Variants in IQCE observed in about 807,000 individuals in gnomAD.
The protein encoded by IQCE is IQ domain-containing protein E.
IQCE carries 115 observed loss-of-function variants against 96.0 expected under a neutral mutation model. That is an observed-to-expected ratio of 1.20 (90% CI 1.03 to 1.40). The LOEUF is 1.40. Among genes scored for constraint, IQCE ranks in the 40% most tolerant of loss-of-function variants. IQCE has a pLI of 0.00. For synonymous variants in IQCE, 412 were observed against 371.2 expected (o/e 1.11, Z -1.26); for missense variants, 1,041 against 909.1 (o/e 1.15, Z -1.87).
intron 1 of IQCE, among the ~76,000 whole-genome samples, chr7:2,564,226 T>A (rs909095307): frequency 4.6e-5 from 7 of 151,580 alleles, no homozygotes; most frequent in African/African-American, 1.7e-4. Context: ...AAACAAAAAA[T>A]TTCACTCATC....
At chr7:2,598,205 C>T (rs1298856891) in intron 16 of IQCE, 4 of 362,370 alleles carry the variant, frequency 1.1e-5, no homozygotes, top group African/African-American at 2.1e-5. Flanking sequence ...TCCCAGGAGG[C>T]ACTGCCAGAC....
chr7:2,586,971 A>G (rs1049790235), intron 12 of IQCE, among the ~76,000 whole-genome samples: 1 of 152,148 alleles, frequency 6.6e-6, no homozygotes, highest in African/African-American at 2.4e-5. Context: ...GCTTCTGTGC[A>G]GAGATGGGGA....
At chr7:2,592,021 C>T (rs1181857595) in intron 14 of IQCE, among the ~76,000 whole-genome samples, 2 of 142,362 alleles carry the variant, frequency 1.4e-5, no homozygotes, top group South Asian at 2.4e-4. Context: ...CGTGAGCCAC[C>T]GCACCCGGGC....
At chr7:2,599,074 C>T (rs1375302487) in intron 17 of IQCE, among the ~76,000 whole-genome samples, 1 of 152,218 alleles carries the variant, frequency 6.6e-6, no homozygotes, top group Non-Finnish European at 1.5e-5. Context: ...AGCATTCGGT[C>T]ACGGCGGTTC....
At position 2,613,390 on chromosome 7, in the gene IQCE, T is replaced by G. The variant is rs1785180963; in HGVS notation, c.*3228T>G. ...AGCTGGAGGGCTCCAGGGACATCCT[T>G]GGAGATACAGGAGGCTTTCCTGGCA... On this transcript the variant is annotated 3_prime_UTR_variant, in exon 22 of 22. Transcript: ENST00000402050. 2.0e-5 allele frequency: 3 copies of G among 152,276 alleles called. No individual in the cohort carries two copies. The highest frequency in any genetic ancestry group is 7.2e-5 in the African/African-American group (3 of 41,418). The allele number at this position is 152,276 out of a possible 1,614,324, so 9.4% of individuals were successfully genotyped here. A position where few individuals can be genotyped will look rare whatever the true frequency, so the allele number is the denominator to read the frequency against.
chr7:2,613,283 G>A lies in IQCE; in HGVS notation c.*3121G>A, dbSNP rs1202981177. 6.6e-6 allele frequency: 1 copy of A among 152,358 alleles called. No individual in the cohort carries two copies. Among genetic ancestry groups the A allele is most frequent in the African/African-American group, 2.4e-5 (1 of 41,430 alleles). 9.4% of individuals were successfully genotyped at this position (152,358 alleles called of 1,614,324 possible). ...TGAGCCACAGGTGCAGTACCCGGAG[G>A]TGTGCTCTCCCCTAGAGGCCTGTCC... On this transcript the variant is annotated 3_prime_UTR_variant, in exon 22 of 22. Transcript: ENST00000402050.
At chr7:2,602,959 A>C (rs972227329) in intron 18 of IQCE, among the ~76,000 whole-genome samples, 3 of 152,074 alleles carry the variant, frequency 2.0e-5, no homozygotes, top group Non-Finnish European at 4.4e-5. Flanking sequence ...GGCCCACCAC[A>C]CTGCCCCTGA....
Position 2,610,601 on chromosome 7 carries a change from G to C in IQCE, c.*439G>C. On this transcript the variant is annotated 3_prime_UTR_variant, in exon 22 of 22. Coordinates refer to ENST00000402050, the MANE Select transcript of IQCE (RefSeq NM_152558.5). ...CCAGGATTTGCTCGATCTCAGCCCA[G>C]CAGGCCAGGCAGACACACCCCGCTG... is the stretch of plus-strand genomic sequence containing the variant. The C allele has an allele frequency of 5.5e-6, 1 of 180,920 alleles. No individual in the cohort carries two copies. The allele number at this position is 180,920 out of a possible 1,614,324, so 11.2% of individuals were successfully genotyped here.
chr7:2,580,348 G>A (rs890455833), intron 8 of IQCE: 2 of 151,966 alleles, frequency 1.3e-5, no homozygotes, highest in African/African-American at 4.8e-5. Context: ...AGTTCCTCAT[G>A]CCTGTAATCC....
intron 16 of IQCE, among the ~76,000 whole-genome samples, chr7:2,596,247 A>G (rs1460133824): frequency 3.9e-5 from 6 of 152,226 alleles, no homozygotes; most frequent in Non-Finnish European, 8.8e-5. Context: ...CCACAGATCC[A>G]GACCCTTTTC....
chr7:2,571,702 C>A, intron 4 of IQCE, 48 bp downstream of exon 4: 1 of 1,563,510 alleles, frequency 6.4e-7, no homozygotes, highest in South Asian at 1.1e-5. Context: ...GAGAAGAGTT[C>A]GAGAAATTTC....
intron 21 of IQCE, among the ~76,000 whole-genome samples, chr7:2,608,738 C>T (rs905320986): frequency 2.0e-5 from 3 of 152,202 alleles, no homozygotes; most frequent in East Asian, 1.9e-4. Context: ...TCTTGCTCAA[C>T]GCAAGTGATT....
chr7:2,585,030 C>G (rs142302218), intron 11 of IQCE, among the ~76,000 whole-genome samples: 158 of 150,852 alleles, frequency 1.0e-3, no homozygotes, highest in African/African-American at 3.6e-3. Context: ...AGGGCTCCTG[C>G]GAGCTTCTGC....
intron 20 of IQCE, among the ~76,000 whole-genome samples, 177 bp downstream of exon 20, chr7:2,606,174 G>C (rs1784809709): frequency 6.6e-6 from 1 of 152,226 alleles, no homozygotes; most frequent in East Asian, 1.9e-4. Flanking sequence ...AGGACTCCCT[G>C]CTGCACCACG....
chr7:2,586,891 G>A (rs543506055), intron 12 of IQCE, among the ~76,000 whole-genome samples: 9 of 152,354 alleles, frequency 5.9e-5, no homozygotes, highest in Non-Finnish European at 8.8e-5. Flanking sequence ...TGCCATGGGA[G>A]CCTTAGGGGT....
chr7:2,564,762 G>A (rs1242849091), intron 1 of IQCE, among the ~76,000 whole-genome samples: 3 of 152,184 alleles, frequency 2.0e-5, no homozygotes, highest in Non-Finnish European at 4.4e-5. Context: ...AGTAGAATGT[G>A]TATTGTGCTG....
At chr7:2,609,652 C>T (rs1378839246) in intron 21 of IQCE, among the ~76,000 whole-genome samples, 2 of 151,874 alleles carry the variant, frequency 1.3e-5, no homozygotes, top group South Asian at 2.1e-4. Context: ...GGCTTTCTGG[C>T]AGGTGTGTAA....
chr7:2,591,263 C>G lies in IQCE; in HGVS notation c.1244+1157C>G, dbSNP rs559648607. Among the ~76,000 whole-genome samples, 10 of 150,844 alleles carry G rather than the reference C, an allele frequency of 6.6e-5. No individual in the cohort carries two copies. The South Asian group carries it at 1.7e-3, about 25-fold the overall frequency. ...GAGACTCTGTCTCAAAAAAAAAAAACGAAGGAAGACATAAATGCTATGAAA... is the reference window on the plus strand; with the variant it reads ...GAGACTCTGTCTCAAAAAAAAAAAAGGAAGGAAGACATAAATGCTATGAAA... On this transcript the variant is annotated intron_variant, in intron 14 of 21. Transcript: ENST00000402050.
rs995745933 is a variant in IQCE at position 2,605,131 on chromosome 7, G to A, written c.1743+140G>A. On this transcript the variant is annotated intron_variant, in intron 19 of 21. Coordinates refer to ENST00000402050, the MANE Select transcript of IQCE (RefSeq NM_152558.5). ...CAGGCGTCCCCTGCGCTCCATCCCT[G>A]GCCACGCAGGCCATGCAGGCTTCTC... The A allele has an allele frequency of 3.0e-5, 19 of 629,006 alleles. No homozygotes were observed. The Admixed American group carries it at 5.0e-4, about 17-fold the overall frequency. 39.0% of individuals were successfully genotyped at this position (629,006 alleles called of 1,614,324 possible).
Sources: gnomAD v4.1 joint callset for allele counts (sites outside exome capture counted in the v4.1 genomes callset) on GRCh38, gnomAD v4.1.1 for gene constraint, MANE v1.5 for transcripts, NCBI Gene and HGNC (gene_info 2026-07-23, HGNC 2026-07-21) for gene names.